ARID1B: variants seen among roughly 807,000 people sequenced by gnomAD.
ARID1B encodes AT-rich interactive domain-containing protein 1B.
ARID1B carries 30 observed loss-of-function variants against 212.3 expected under a neutral mutation model. The observed-to-expected ratio is 0.14, with a 90% CI of 0.11 to 0.19. The LOEUF (loss-of-function observed/expected upper bound fraction) is 0.19, where lower values mean the gene tolerates loss of function less well. Among genes scored for constraint, ARID1B ranks in the 10% least tolerant of loss-of-function variants. The pLI is 1.00. For synonymous variants in ARID1B, 1,402 were observed against 1,301.7 expected (o/e 1.08, Z -1.66); for missense variants, 2,891 against 3,204.0 (o/e 0.90, Z 2.36).
In ARID1B at chr6:157,206,946, G is replaced by T. The variant is rs372334858; in HGVS notation, c.6174G>T (p.Ala2058=). ...ACGAGACTCCTCTGTGTACCATCGC[G>T]CACTGGCAGGACTCGCTGGCTAAGC... The part of the protein sequence containing the change: ...SRDETPLCTI[A]HWQDSLAKRC... Residue 2058 remains alanine (A), a synonymous_variant, in exon 20 of 20, where the codon GCG becomes GCT. Coordinates refer to ENST00000636930, the MANE Select transcript of ARID1B (RefSeq NM_001374828.1). The surrounding 1 kb of genome is among the most constrained non-coding windows in gnomAD (Gnocchi z 6.8). 1 of 1,614,194 alleles carries T rather than the reference G, an allele frequency of 6.2e-7. No individual in the cohort carries two copies. The highest frequency in any genetic ancestry group is 8.5e-7 in the Non-Finnish European group (1 of 1,180,030).
intron 8 of ARID1B, among the ~76,000 whole-genome samples, chr6:157,165,581 A>G (rs1310556988): frequency 6.6e-6 from 1 of 152,174 alleles, no homozygotes; most frequent in Non-Finnish European, 1.5e-5. Flanking sequence ...TATGGACCAG[A>G]CATGGTGGCT....
At chr6:157,086,910 T>C (rs1467213207) in intron 5 of ARID1B, among the ~76,000 whole-genome samples, 1 of 152,196 alleles carries the variant, frequency 6.6e-6, no homozygotes, top group East Asian at 1.9e-4. Context: ...TGCAGATGCG[T>C]GCGGACGGAG....
intron 1 of ARID1B, among the ~76,000 whole-genome samples, chr6:156,796,755 C>T (rs1281744431): frequency 6.6e-6 from 1 of 152,162 alleles, no homozygotes. Context: ...AGAAGTTCGT[C>T]ATGCAGCTGT....
At chr6:157,177,410 C>A (rs2128309872) in intron 11 of ARID1B, among the ~76,000 whole-genome samples, 1 of 152,312 alleles carries the variant, frequency 6.6e-6, no homozygotes, top group South Asian at 2.1e-4. Flanking sequence ...TTCTGAGATG[C>A]CGCTTCAATT....
intron 2 of ARID1B, among the ~76,000 whole-genome samples, chr6:156,893,157 C>T (rs946804555): frequency 1.3e-5 from 2 of 149,248 alleles, no homozygotes; most frequent in African/African-American, 5.0e-5. Context: ...ATTCTCCTGC[C>T]TTAGCCTCCT....
At chr6:156,860,112 C>G (rs1222164291) in intron 2 of ARID1B, among the ~76,000 whole-genome samples, 2 of 152,190 alleles carry the variant, frequency 1.3e-5, no homozygotes, top group East Asian at 3.8e-4. Context: ...ACAAAAGCAC[C>G]TATACTTATG....
intron 2 of ARID1B, among the ~76,000 whole-genome samples, chr6:156,834,840 C>G (rs1296606184): frequency 2.6e-5 from 4 of 152,150 alleles, no homozygotes; most frequent in South Asian, 2.1e-4. Context: ...TAAGGTTTAC[C>G]AGCAAAATAC....
At chr6:156,874,963 C>T (rs994709363) in intron 2 of ARID1B, among the ~76,000 whole-genome samples, 11 of 152,198 alleles carry the variant, frequency 7.2e-5, no homozygotes, top group Non-Finnish European at 2.9e-5. Context: ...ATCGCTGTGG[C>T]ACAAAGTGGA....
intron 4 of ARID1B, among the ~76,000 whole-genome samples, chr6:156,997,900 A>G (rs924140438): frequency 2.0e-5 from 3 of 152,200 alleles, no homozygotes; most frequent in African/African-American, 7.2e-5. Context: ...TATCCCAGGG[A>G]ATTGTTTATC....
At chr6:156,811,836 GTCT>G (rs1410972951) in intron 1 of ARID1B, among the ~76,000 whole-genome samples, 1 of 152,170 alleles carries the variant, frequency 6.6e-6, no homozygotes, top group East Asian at 1.9e-4. Flanking sequence ...GGCTAAGAAA[GTCT>G]TCTAGTTACA....
intron 2 of ARID1B, among the ~76,000 whole-genome samples, chr6:156,856,856 GA>G (rs1245683847): frequency 6.6e-6 from 1 of 150,430 alleles, no homozygotes; most frequent in African/African-American, 2.5e-5. Context: ...AAATTTGGGG[GA>G]AAAACTAGAA....
At chr6:156,910,542 T>C (rs1789787390) in intron 3 of ARID1B, among the ~76,000 whole-genome samples, 1 of 152,206 alleles carries the variant, frequency 6.6e-6, no homozygotes, top group South Asian at 2.1e-4. Context: ...AGTTGGCTTC[T>C]ATTGCTCTCT....
intron 2 of ARID1B, among the ~76,000 whole-genome samples, chr6:156,892,060 C>CCT (rs1787982483): frequency 1.6e-5 from 1 of 64,442 alleles, no homozygotes; most frequent in Non-Finnish European, 3.3e-5. Context: ...TTTTTTTTTT[C>CCT]TTTTTTTTTT....
chr6:156,788,515 A>G (rs1779796947), intron 1 of ARID1B, among the ~76,000 whole-genome samples: 1 of 152,252 alleles, frequency 6.6e-6, no homozygotes, highest in African/African-American at 2.4e-5. Context: ...ATGATCTGCA[A>G]AAAATGACTG....
At chr6:156,850,449 T>G (rs1562433993) in intron 2 of ARID1B, among the ~76,000 whole-genome samples, 1 of 152,216 alleles carries the variant, frequency 6.6e-6, no homozygotes, top group Non-Finnish European at 1.5e-5. Flanking sequence ...ATTCCTAATT[T>G]TGTAGGCTAT....
chr6:157,038,964 C>T (rs189128441), intron 4 of ARID1B, among the ~76,000 whole-genome samples: 2 of 151,872 alleles, frequency 1.3e-5, no homozygotes, highest in Admixed American at 6.6e-5. Flanking sequence ...AGTGCAGCGG[C>T]GCGATCATGG....
chr6:156,867,398 A>G (rs1192585752), intron 2 of ARID1B, among the ~76,000 whole-genome samples: 1 of 152,206 alleles, frequency 6.6e-6, no homozygotes, highest in Non-Finnish European at 1.5e-5. Context: ...TTCCTTGGGC[A>G]TAAACTGAGC....
At chr6:156,958,818 A>G (rs1794152170) in intron 4 of ARID1B, among the ~76,000 whole-genome samples, 1 of 152,214 alleles carries the variant, frequency 6.6e-6, no homozygotes, top group African/African-American at 2.4e-5. Flanking sequence ...TAATGAAGCA[A>G]AGCAAAAAAA....
In ARID1B at chr6:156,778,062, G is replaced by A. The variant is rs1374669064; in HGVS notation, c.382G>A (p.Ala128Thr). 12 of 1,536,476 alleles carry A rather than the reference G, an allele frequency of 7.8e-6. No homozygotes were observed. The highest frequency in any genetic ancestry group is 1.0e-5 in the Non-Finnish European group (12 of 1,146,158). The stretch of plus-strand genomic sequence containing the variant: ...CTCCTCCTCCTCCTCCGCGGCGGCA[G>A]CGGCGGCATCCTCTTCCTCCTCGTC... The part of the protein sequence containing the change: ...SSSSSSSAAA[A>T]AASSSSSSGP... Residue 128 changes from alanine (A) to threonine (T), a missense_variant, in exon 1 of 20, where the codon GCG (alanine) becomes ACG (threonine). Around this residue, in one of 7 missense-constraint regions of ARID1B, gnomAD observed 1,643 missense variants for 1,544.0 expected, o/e 1.06. Coordinates refer to ENST00000636930, the MANE Select transcript of ARID1B (RefSeq NM_001374828.1).
Sources: gnomAD v4.1 joint callset for allele counts (sites outside exome capture counted in the v4.1 genomes callset) on GRCh38, gnomAD v4.1.1 for gene constraint, gnomAD v4.1.1 regional missense constraint, Gnocchi (gnomAD v3.1) non-coding constraint, MANE v1.5 for transcripts, NCBI Gene and HGNC (gene_info 2026-07-23, HGNC 2026-07-21) for gene names.